Variants in ABCA13 observed in about 807,000 individuals in gnomAD.
ABCA13 encodes ATP-binding cassette sub-family A member 13.
In ABCA13, 476 loss-of-function variants were observed where a neutral mutation model predicts 478.7. The observed-to-expected ratio is 0.99, with a 90% CI of 0.92 to 1.07. The LOEUF (loss-of-function observed/expected upper bound fraction) is 1.07. ABCA13 is among the 50% of genes least tolerant of loss of function. The probability of loss-of-function intolerance (pLI) is 0.00; values close to 1 mark genes in which losing one functional copy is unlikely to be tolerated. For missense variants in ABCA13, 6,060 were observed against 5,910.6 expected (o/e 1.03, Z -0.83); for synonymous variants, 2,252 against 2,158.9 (o/e 1.04, Z -1.20).
intron 55 of ABCA13, among the ~76,000 whole-genome samples, chr7:48,548,400 A>C (rs559875369): frequency 6.6e-6 from 1 of 151,904 alleles, no homozygotes; most frequent in African/African-American, 2.4e-5. Flanking sequence ...TTTCTCAGAC[A>C]TTTAAATATA....
intron 58 of ABCA13, chr7:48,612,279 T>A (rs949665000): frequency 1.3e-5 from 2 of 152,228 alleles, no homozygotes; most frequent in African/African-American, 4.8e-5. Context: ...ATGTCCACAT[T>A]GAGGTGCATG....
At chr7:48,560,963 T>C (rs1786392160) in intron 55 of ABCA13, among the ~76,000 whole-genome samples, 1 of 152,194 alleles carries the variant, frequency 6.6e-6, no homozygotes, top group Admixed American at 6.5e-5. Context: ...TATTTGTTTT[T>C]CTGTATTTGA....
intron 19 of ABCA13, among the ~76,000 whole-genome samples, chr7:48,285,044 A>G (rs1436535296): frequency 6.6e-6 from 1 of 152,188 alleles, no homozygotes; most frequent in Admixed American, 6.5e-5. Context: ...TGCTTTAAAG[A>G]TGCCAAGGAC....
intron 42 of ABCA13, among the ~76,000 whole-genome samples, chr7:48,436,083 T>C (rs79070192): frequency 2.0e-5 from 3 of 151,506 alleles, no homozygotes; most frequent in Non-Finnish European, 4.4e-5. Flanking sequence ...TTTCAAAGAG[T>C]TCTAGGAGGC....
At chr7:48,561,887 A>G (rs1050953427) in intron 55 of ABCA13, among the ~76,000 whole-genome samples, 1 of 151,774 alleles carries the variant, frequency 6.6e-6, no homozygotes, top group Admixed American at 6.6e-5. Flanking sequence ...TCTGTAATCT[A>G]TTTTGAATTG....
chr7:48,430,672 T>TAAA (rs36121642), intron 42 of ABCA13, among the ~76,000 whole-genome samples: 8 of 122,782 alleles, frequency 6.5e-5, no homozygotes, highest in South Asian at 2.7e-4. Context: ...AGACTCCGTC[T>TAAA]AAAAAAAAAA....
intron 28 of ABCA13, 53 bp downstream of exon 28, chr7:48,335,588 T>A: frequency 3.5e-6 from 5 of 1,426,214 alleles, no homozygotes; most frequent in Non-Finnish European, 3.9e-6. Context: ...CTAGGGCATG[T>A]CCGAGACATC....
chr7:48,634,621 T>C (rs1292675209), intron 59 of ABCA13, among the ~76,000 whole-genome samples: 1 of 152,198 alleles, frequency 6.6e-6, no homozygotes, highest in African/African-American at 2.4e-5. Flanking sequence ...GTTTTTATAT[T>C]CTTGATTTTA....
intron 15 of ABCA13, among the ~76,000 whole-genome samples, chr7:48,261,155 G>A (rs55662010): frequency 0.012 from 1,775 of 151,910 alleles, 9 homozygotes; most frequent in Middle Eastern, 0.024. Context: ...ATAGCTTTTA[G>A]CTGTGAGCAA....
At chr7:48,482,044 T>A (rs974176493) in intron 46 of ABCA13, among the ~76,000 whole-genome samples, 3 of 152,186 alleles carry the variant, frequency 2.0e-5, no homozygotes, top group Non-Finnish European at 4.4e-5. Context: ...GTTAACATTA[T>A]ATTTTTTTAA....
At chr7:48,305,067 T>C (rs1443572076) in intron 23 of ABCA13, among the ~76,000 whole-genome samples, 1 of 152,266 alleles carries the variant, frequency 6.6e-6, no homozygotes, top group Non-Finnish European at 1.5e-5. Flanking sequence ...TGGCAGTGAC[T>C]GATAGGCTTC....
intron 4 of ABCA13, among the ~76,000 whole-genome samples, chr7:48,220,928 T>G (rs1239349120): frequency 1.3e-5 from 2 of 152,180 alleles, no homozygotes; most frequent in African/African-American, 4.8e-5. Context: ...TTTCCTTCAT[T>G]TTTTTCTTTT....
chr7:48,199,989 G>A (rs546035156), intron 3 of ABCA13, among the ~76,000 whole-genome samples: 25 of 152,154 alleles, frequency 1.6e-4, no homozygotes, highest in Admixed American at 1.5e-3. Flanking sequence ...AACATCTAGC[G>A]CAATGCATGG....
At chr7:48,329,656 T>G (rs1465849064) in intron 27 of ABCA13, among the ~76,000 whole-genome samples, 1 of 151,946 alleles carries the variant, frequency 6.6e-6, no homozygotes, top group Non-Finnish European at 1.5e-5. Flanking sequence ...CATCTACTCT[T>G]GCATCCATCT....
At position 48,279,868 on chromosome 7, in the gene ABCA13, G is replaced by A. The variant is rs753299908; in HGVS notation, c.8674G>A (p.Gly2892Arg). The change falls in exon 18 of 62, where the codon GGA becomes AGA. Residue 2892 changes from glycine to arginine, a missense_variant. Physicochemically the swap from Gly to Arg is moderately radical, Grantham distance 125 (BLOSUM62 -2). Around this residue, in one of 3 missense-constraint regions of ABCA13, gnomAD observed 4,423 missense variants for 4,309.1 expected, o/e 1.03. Transcript: ENST00000435803. ...PFFCLEKYLG[G>R]LFVLTKYWQQ... The stretch of plus-strand genomic sequence containing the variant: ...TTTCTGTTTGGAGAAATACCTGGGA[G>A]GATTATTTGTATTGACTAAATACTG... The A allele has an allele frequency of 3.2e-6, 5 of 1,547,004 alleles. No homozygotes were observed. The highest frequency in any genetic ancestry group is 1.8e-4 in the Middle Eastern group (1 of 5,696).
intron 38 of ABCA13, among the ~76,000 whole-genome samples, chr7:48,401,893 G>C (rs1268135551): frequency 6.6e-6 from 1 of 152,168 alleles, no homozygotes; most frequent in Non-Finnish European, 1.5e-5. Context: ...AGATCGGTCA[G>C]TTTAATGCTA....
chr7:48,357,083 C>T (rs528489077), intron 31 of ABCA13, among the ~76,000 whole-genome samples: 1 of 151,876 alleles, frequency 6.6e-6, no homozygotes, highest in South Asian at 2.1e-4. Context: ...TCCCGTGAGG[C>T]GTTGCATCTG....
chr7:48,227,361 A>G lies in ABCA13; in HGVS notation c.568A>G (p.Thr190Ala). 2 of 1,613,996 alleles carry G rather than the reference A, an allele frequency of 1.2e-6. No homozygotes were observed. The highest frequency in any genetic ancestry group is 1.7e-6 in the Non-Finnish European group (2 of 1,179,890). ...TCTACTTTTACTGCCGAGACTACACACAAGCCATGATCATGTGGAAGATGG... is the reference window on the plus strand; with the variant it reads ...TCTACTTTTACTGCCGAGACTACACGCAAGCCATGATCATGTGGAAGATGG... ...DFLLLLPRLH[T>A]SHDHVEDGMD... Residue 190 changes from threonine (T) to alanine (A), a missense_variant, in exon 6 of 62, where the codon ACA (threonine) becomes GCA (alanine). This residue lies in a region of ABCA13 where 4,423 missense variants were observed against 4,309.1 expected (regional missense o/e 1.03). Coordinates refer to ENST00000435803, the MANE Select transcript of ABCA13 (RefSeq NM_152701.5).
rs182621437 is a variant in ABCA13, at chr7:48,423,441, G to C, written c.12460-4325G>C. On this transcript the variant is annotated intron_variant, in intron 41 of 61. Transcript: ENST00000435803. ...AGTACCTTGCACTGACCATCTCCAG[G>C]ACACAATCCATCAAACTGACACTTT... Among the ~76,000 whole-genome samples the C allele has an allele frequency of 2.0e-5, 3 of 152,228 alleles. No individual in the cohort carries two copies. In the East Asian group the frequency reaches 5.8e-4, roughly 29 times the overall value.
Sources: allele counts gnomAD v4.1 joint callset (sites outside exome capture counted in the v4.1 genomes callset), GRCh38; gene constraint gnomAD v4.1.1; regional missense constraint gnomAD v4.1.1; transcripts MANE v1.5; gene names NCBI Gene and HGNC (gene_info 2026-07-23, HGNC 2026-07-21).